The following NLK variants were observed in gnomAD, a reference collection of about 807,000 sequenced individuals.
NLK encodes serine/threonine-protein kinase NLK.
In NLK, 11 loss-of-function variants were observed where a neutral mutation model predicts 59.0. The observed-to-expected ratio is 0.19, with a 90% CI of 0.12 to 0.31. The LOEUF is 0.31. Among genes scored for constraint, NLK ranks in the 10% least tolerant of loss-of-function variants. The probability of loss-of-function intolerance (pLI) is 1.00; values close to 1 mark genes in which losing one functional copy is unlikely to be tolerated. For synonymous variants in NLK, 235 were observed against 235.9 expected (o/e 1.00, Z 0.03); for missense variants, 410 against 661.1 (o/e 0.62, Z 4.16).
At chr17:28,138,468 G>A (rs983566659) in intron 3 of NLK, among the ~76,000 whole-genome samples, 2 of 152,184 alleles carry the variant, frequency 1.3e-5, no homozygotes, top group African/African-American at 2.4e-5. Flanking sequence ...TTTTGCTTGT[G>A]CAGGCAGTGT....
chr17:28,056,521 A>G (rs1275407880), intron 1 of NLK, among the ~76,000 whole-genome samples: 2 of 152,248 alleles, frequency 1.3e-5, no homozygotes, highest in South Asian at 2.1e-4. Context: ...AAAACTCTAT[A>G]TAAATGAAAC....
chr17:28,047,240 G>A (rs1054924121), intron 1 of NLK, among the ~76,000 whole-genome samples: 14 of 152,184 alleles, frequency 9.2e-5, no homozygotes, highest in African/African-American at 3.4e-4. Context: ...AAATCAAGCT[G>A]TTGTGTTAAT....
At chr17:28,157,319 T>C (rs532755117) in intron 3 of NLK, among the ~76,000 whole-genome samples, 49 of 152,246 alleles carry the variant, frequency 3.2e-4, no homozygotes, top group African/African-American at 9.6e-4. Context: ...AGCCTCCAAG[T>C]AACTGGGACT....
At chr17:28,072,756 G>C (rs1041788918) in intron 1 of NLK, among the ~76,000 whole-genome samples, 4 of 151,698 alleles carry the variant, frequency 2.6e-5, no homozygotes, top group African/African-American at 9.7e-5. Flanking sequence ...AAATTCCATG[G>C]GTAATAAATA....
chr17:28,154,037 A>G (rs1010304874), intron 3 of NLK, among the ~76,000 whole-genome samples: 1 of 152,174 alleles, frequency 6.6e-6, no homozygotes, highest in Non-Finnish European at 1.5e-5. Flanking sequence ...CAACCTTAAA[A>G]CACAGTGGAT....
chr17:28,103,353 G>A (rs1431064999), intron 1 of NLK, among the ~76,000 whole-genome samples: 1 of 152,162 alleles, frequency 6.6e-6, no homozygotes, highest in African/African-American at 2.4e-5. Context: ...TTCTAAGATT[G>A]TGCTTTACCC....
chr17:28,180,270 A>T (rs1275574088), intron 7 of NLK, among the ~76,000 whole-genome samples: 1 of 152,012 alleles, frequency 6.6e-6, no homozygotes, highest in Non-Finnish European at 1.5e-5. Context: ...CCTTAACATC[A>T]CTCATTTTAT....
downstream of NLK, among the ~76,000 whole-genome samples, chr17:28,199,710 A>G (rs1909581402): frequency 7.1e-6 from 1 of 140,906 alleles, no homozygotes; most frequent in Non-Finnish European, 1.6e-5. Context: ...AAAAAAAACA[A>G]CTAGATAACC....
chr17:28,165,688 T>G (rs1908195526), intron 5 of NLK, among the ~76,000 whole-genome samples: 1 of 152,208 alleles, frequency 6.6e-6, no homozygotes, highest in Non-Finnish European at 1.5e-5. Flanking sequence ...CATGTAAGCT[T>G]CCTATTTTGG....
At chr17:28,090,137 T>C (rs1904435503) in intron 1 of NLK, among the ~76,000 whole-genome samples, 2 of 152,220 alleles carry the variant, frequency 1.3e-5, no homozygotes, top group East Asian at 3.8e-4. Context: ...ATTTTAATGA[T>C]TGGCTTTAAG....
chr17:28,201,592 A>G, the NLK span, among the ~76,000 whole-genome samples: 2 of 152,110 alleles, frequency 1.3e-5, no homozygotes, highest in Admixed American at 1.3e-4. Flanking sequence ...ATACTAGCCA[A>G]TTGAACTCAG....
At chr17:28,150,328 T>G (rs568126077) in intron 3 of NLK, among the ~76,000 whole-genome samples, 1 of 152,338 alleles carries the variant, frequency 6.6e-6, no homozygotes, top group South Asian at 2.1e-4. Context: ...ATGGTGGTGA[T>G]ATTTGGTTAA....
intron 2 of NLK, among the ~76,000 whole-genome samples, chr17:28,129,731 T>C (rs74344276): frequency 0.01 from 1,581 of 152,274 alleles, 31 homozygotes; most frequent in African/African-American, 0.036. Context: ...CTTTGAGTCC[T>C]TGGCAGAGTA....
chr17:28,048,347 A>C (rs1311961913), intron 1 of NLK: 1 of 171,906 alleles, frequency 5.8e-6, no homozygotes, highest in East Asian at 1.5e-4. Flanking sequence ...TCTTGGGGAG[A>C]AATTTCATGT....
intron 1 of NLK, among the ~76,000 whole-genome samples, chr17:28,115,301 T>C (rs1249050819): frequency 1.3e-5 from 2 of 152,178 alleles, no homozygotes; most frequent in African/African-American, 4.8e-5. Flanking sequence ...ATGGAGCCAG[T>C]TGGCAAAACC....
At chr17:28,168,396 AC>A in intron 5 of NLK, 51 bp from the exon 6 acceptor site, 1 of 1,336,226 alleles carries the variant, frequency 7.5e-7, no homozygotes, top group Non-Finnish European at 1.1e-6. Context: ...GTTTTGTTTT[AC>A]TCTTTCATTT....
intron 7 of NLK, among the ~76,000 whole-genome samples, chr17:28,183,407 C>T (rs1908991799): frequency 1.3e-5 from 2 of 152,182 alleles, no homozygotes; most frequent in Admixed American, 6.5e-5. Flanking sequence ...CAGCTTACTA[C>T]AGCCTGAACC....
At chr17:28,161,511 G>A (rs1312685869) in intron 4 of NLK, among the ~76,000 whole-genome samples, 1 of 152,204 alleles carries the variant, frequency 6.6e-6, no homozygotes, top group Non-Finnish European at 1.5e-5. Context: ...GCAGTTGAGT[G>A]GGCTAATCTA....
At chr17:28,199,695 CAA>C (rs61425914), downstream of NLK, among the ~76,000 whole-genome samples, 11 of 94,828 alleles carry the variant, frequency 1.2e-4, no homozygotes, top group South Asian at 3.4e-4. Context: ...CAAAACAAAA[CAA>C]AAAAAAAAAA....
Sources: allele counts gnomAD v4.1 joint callset (sites outside exome capture counted in the v4.1 genomes callset), GRCh38; gene constraint gnomAD v4.1.1; transcripts MANE v1.5; gene names NCBI Gene and HGNC (gene_info 2026-07-23, HGNC 2026-07-21).